The following SHC3 variants were observed in gnomAD, a reference collection of about 807,000 sequenced individuals.
SHC3 encodes the protein SHC adaptor protein 3.
SHC3 carries 15 observed loss-of-function variants against 60.4 expected under a neutral mutation model. The observed-to-expected ratio is 0.25, with a 90% CI of 0.17 to 0.38. The LOEUF (loss-of-function observed/expected upper bound fraction) is 0.38, where lower values mean the gene tolerates loss of function less well. Among genes scored for constraint, SHC3 ranks in the 10% least tolerant of loss-of-function variants. The probability of loss-of-function intolerance (pLI) is 1.00; values close to 1 mark genes in which losing one functional copy is unlikely to be tolerated. For synonymous variants in SHC3, 294 were observed against 325.9 expected, an observed-to-expected ratio of 0.90 and a Z score of 1.05; for missense variants, 677 against 786.1, an observed-to-expected ratio of 0.86 and a Z score of 1.66.
intron 11 of SHC3, among the ~76,000 whole-genome samples, chr9:89,022,982 C>T (rs959145584): frequency 3.9e-5 from 6 of 152,210 alleles, no homozygotes; most frequent in Non-Finnish European, 7.3e-5. Flanking sequence ...ATCAAGAAGA[C>T]AAGAACTGAG....
At chr9:89,059,998 G>A (rs1363167888) in intron 6 of SHC3, among the ~76,000 whole-genome samples, 1 of 147,770 alleles carries the variant, frequency 6.8e-6, no homozygotes, top group African/African-American at 2.5e-5. Context: ...TGGACATGGT[G>A]GAGGATGGTG....
chr9:89,032,240 G>C lies in SHC3; in HGVS notation c.1656+5753C>G, dbSNP rs370765101. 2.5e-4 allele frequency among the ~76,000 whole-genome samples: 38 copies of C among 152,340 alleles called. No homozygotes were observed. In the South Asian group the frequency reaches 7.9e-3, roughly 32 times the overall value. ...TAACAACAGGGCATTATAAAGTGAGGATTAGGGAACATTTAAAAACTACTC... is the reference window on the plus strand; with the variant it reads ...TAACAACAGGGCATTATAAAGTGAGCATTAGGGAACATTTAAAAACTACTC... On this transcript the variant is annotated intron_variant, in intron 11 of 11. Transcript: ENST00000375835.
chr9:89,050,113 T>C (rs1345244583), intron 7 of SHC3, among the ~76,000 whole-genome samples: 1 of 152,268 alleles, frequency 6.6e-6, no homozygotes, highest in Non-Finnish European at 1.5e-5. Context: ...TGGTAGAAGC[T>C]AGATGTTGTC....
At position 89,155,641 on chromosome 9, in the gene SHC3, C is replaced by T. The variant is rs576195692; in HGVS notation, c.474+22346G>A. On this transcript the variant is annotated intron_variant, in intron 1 of 11. Transcript: ENST00000375835. ...CCATTGGAGAAGAAATACCAGCTGC[C>T]GACTCTGGCCTCAGCTCAGCCCCTG... Among the ~76,000 whole-genome samples the T allele has an allele frequency of 7.9e-5, 12 of 152,124 alleles. No homozygotes were observed. In the East Asian group the frequency reaches 9.6e-4, roughly 12 times the overall value.
intron 1 of SHC3, among the ~76,000 whole-genome samples, chr9:89,132,259 A>G (rs1444020993): frequency 6.6e-6 from 1 of 152,228 alleles, no homozygotes; most frequent in Non-Finnish European, 1.5e-5. Context: ...GAAATAAAAG[A>G]GGACACAAAC....
At chr9:89,068,994 A>T (rs1825227222) in intron 5 of SHC3, among the ~76,000 whole-genome samples, 1 of 152,238 alleles carries the variant, frequency 6.6e-6, no homozygotes, top group African/African-American at 2.4e-5. Context: ...GTGGACATAC[A>T]CATATAGACA....
At chr9:89,132,831 T>C (rs979509603) in intron 1 of SHC3, among the ~76,000 whole-genome samples, 29 of 152,152 alleles carry the variant, frequency 1.9e-4, no homozygotes, top group African/African-American at 6.5e-4. Flanking sequence ...AGCAATACCA[T>C]TCAGGACATA....
chr9:89,129,914 C>A (rs574111118), intron 1 of SHC3, among the ~76,000 whole-genome samples: 1 of 152,216 alleles, frequency 6.6e-6, no homozygotes, highest in Non-Finnish European at 1.5e-5. Flanking sequence ...ACAATATTAA[C>A]CTTAAATGTA....
chr9:89,006,774 A>G lies in SHC3; in HGVS notation c.*6673T>C, dbSNP rs1287348475. 3 of 152,266 alleles carry G rather than the reference A, an allele frequency of 2.0e-5. No individual in the cohort carries two copies. Among genetic ancestry groups the G allele is most frequent in the Non-Finnish European group, 4.4e-5 (3 of 68,044 alleles). The allele number at this position is 152,266 out of a possible 1,614,324, so 9.4% of individuals were successfully genotyped here. On this transcript the variant is annotated 3_prime_UTR_variant, in exon 12 of 12. Transcript: ENST00000375835. ...GGAACAAGTTATATTCAAAAGTCAA[A>G]TGAACAGAGAACATTCCACTTGCAA...
chr9:89,078,909 T>C (rs1236603910), intron 2 of SHC3, among the ~76,000 whole-genome samples: 1 of 152,168 alleles, frequency 6.6e-6, no homozygotes, highest in South Asian at 2.1e-4. Flanking sequence ...CTATAAACTT[T>C]CCGAGCTCAA....
chr9:89,073,669 C>T (rs923587132), intron 4 of SHC3, among the ~76,000 whole-genome samples: 6 of 152,234 alleles, frequency 3.9e-5, no homozygotes, highest in East Asian at 1.9e-4. Flanking sequence ...ACACCTGCTT[C>T]GGCTGCCATG....
chr9:89,163,840 G>A (rs1008606256), intron 1 of SHC3, among the ~76,000 whole-genome samples: 17 of 151,740 alleles, frequency 1.1e-4, no homozygotes, highest in Middle Eastern at 3.2e-3. Context: ...CTAGATCAAA[G>A]TATTGTCAGA....
intron 6 of SHC3, among the ~76,000 whole-genome samples, chr9:89,059,155 T>C (rs370963292): frequency 3.5e-5 from 3 of 86,340 alleles, no homozygotes; most frequent in African/African-American, 9.6e-5. Flanking sequence ...TGGTGGAGGA[T>C]GGTGGTGGAG....
intron 3 of SHC3, among the ~76,000 whole-genome samples, chr9:89,077,428 C>T (rs1051445907): frequency 6.6e-6 from 1 of 152,132 alleles, no homozygotes; most frequent in African/African-American, 2.4e-5. Flanking sequence ...TCAGAAAATG[C>T]TACAAACTTT....
At chr9:89,164,231 G>A (rs1212760625) in intron 1 of SHC3, among the ~76,000 whole-genome samples, 3 of 152,188 alleles carry the variant, frequency 2.0e-5, no homozygotes, top group Admixed American at 6.5e-5. Context: ...GCATCTGATA[G>A]AGTCTCACTT....
chr9:89,089,134 C>T (rs1825580448), intron 2 of SHC3, among the ~76,000 whole-genome samples: 1 of 152,176 alleles, frequency 6.6e-6, no homozygotes, highest in Non-Finnish European at 1.5e-5. Flanking sequence ...AGAGCCTGTC[C>T]ATTCCAGGGC....
chr9:89,135,483 T>TA (rs539214437), intron 1 of SHC3, among the ~76,000 whole-genome samples: 1 of 152,022 alleles, frequency 6.6e-6, no homozygotes, highest in Non-Finnish European at 1.5e-5. Flanking sequence ...AAAGCATATT[T>TA]AAAAAAAATT....
In SHC3 at chr9:89,045,916, G is replaced by A. The variant is rs116571154; in HGVS notation, c.1114-83C>T. 1,498 of 1,377,322 alleles carry A rather than the reference G, an allele frequency of 1.1e-3. 15 individuals carry two copies. In the African/African-American group the frequency reaches 0.018, roughly 17 times the overall value. 85.3% of individuals were successfully genotyped at this position (1,377,322 alleles called of 1,614,324 possible). A position where few individuals can be genotyped will look rare whatever the true frequency, so the allele number is the denominator to read the frequency against. ...TTTTGAAAGCCACAAGACAGTCGGCGAGTTGATCCTTAAGGTGGTTCGCAT... is the reference window on the plus strand; with the variant it reads ...TTTTGAAAGCCACAAGACAGTCGGCAAGTTGATCCTTAAGGTGGTTCGCAT... On this transcript the variant is annotated intron_variant, in intron 8 of 11. Coordinates refer to ENST00000375835, the MANE Select transcript of SHC3 (RefSeq NM_016848.6).
rs549630222 is a variant in SHC3 at position 89,115,181 on chromosome 9, CTT to C, written c.475-2557_475-2556del. Among the ~76,000 whole-genome samples the C allele has an allele frequency of 4.5e-4, 68 of 152,318 alleles. No individual in the cohort carries two copies. The South Asian group carries it at 0.013, about 30-fold the overall frequency. On this transcript the variant is annotated intron_variant, in intron 1 of 11. Coordinates refer to ENST00000375835, the MANE Select transcript of SHC3 (RefSeq NM_016848.6). ...CATCTCAAAGTTAGATGAGTACTGT[CTT>C]CTCTGTCATTGCAGAGTCATGTCAA...
Sources: allele counts gnomAD v4.1 joint callset (sites outside exome capture counted in the v4.1 genomes callset), GRCh38; gene constraint gnomAD v4.1.1; transcripts MANE v1.5; gene names NCBI Gene and HGNC (gene_info 2026-07-23, HGNC 2026-07-21).